The following AMELX variants were observed in gnomAD, a reference collection of about 807,000 sequenced individuals.
AMELX encodes the protein amelogenin, X isoform.
AMELX carries 9 observed loss-of-function variants against 15.8 expected under a neutral mutation model. The ratio of observed to expected loss-of-function variants is 0.57; its 90% CI spans 0.34 to 0.99. The LOEUF is 0.99. Among genes scored for constraint, AMELX ranks in the 50% least tolerant of loss-of-function variants. AMELX has a pLI of 0.02. For synonymous variants in AMELX, 61 were observed against 58.8 expected (o/e 1.04, Z -0.17); for missense variants, 107 against 156.2 (o/e 0.68, Z 1.68).
At chrX:11,300,512 T>A in intron 5 of AMELX, 95 bp from the exon 6 acceptor site, 1 of 766,545 alleles carries the variant, frequency 1.3e-6, no homozygotes, top group Admixed American at 2.4e-5. Context: ...TTGTACATTG[T>A]TTTGACAAAA....
At chrX:11,294,370 G>A (rs1272186446) in intron 1 of AMELX, among the ~76,000 whole-genome samples, 2 of 112,290 alleles carry the variant, frequency 1.8e-5, no homozygotes, top group African/African-American at 6.5e-5. Context: ...GTGCCTCCTT[G>A]TTCTAAAATT....
intron 5 of AMELX, among the ~76,000 whole-genome samples, chrX:11,300,069 A>T (rs2048150553): frequency 8.9e-6 from 1 of 112,118 alleles, no homozygotes. Flanking sequence ...AATCCCAAGT[A>T]ATCGGTGCCT....
downstream of AMELX, among the ~76,000 whole-genome samples, chrX:11,304,694 A>C (rs2048215224): frequency 2.8e-5 from 3 of 107,003 alleles, no homozygotes; most frequent in South Asian, 1.3e-3. Flanking sequence ...GTGACTCCCA[A>C]CTCAGACCCT....
chrX:11,304,963 T>C (rs1400053892), downstream of AMELX, among the ~76,000 whole-genome samples: 1 of 107,834 alleles, frequency 9.3e-6, no homozygotes, highest in Non-Finnish European at 1.9e-5. Context: ...ATTTTTTTTG[T>C]ATTTTAGTAG....
chrX:11,306,590 T>G, the AMELX span, among the ~76,000 whole-genome samples: 2 of 112,709 alleles, frequency 1.8e-5, no homozygotes, highest in African/African-American at 6.5e-5. Flanking sequence ...AAATGAGGGT[T>G]TGAACTTTAA....
intron 2 of AMELX, 117 bp from the exon 3 acceptor site, chrX:11,296,662 T>C (rs1313981973): frequency 1.2e-6 from 1 of 857,166 alleles, no homozygotes; most frequent in Non-Finnish European, 1.7e-6. Flanking sequence ...TAAAGTAGCT[T>C]CAGTCTCCTT....
the AMELX span, among the ~76,000 whole-genome samples, chrX:11,305,874 G>A: frequency 8.9e-6 from 1 of 111,971 alleles, no homozygotes; most frequent in African/African-American, 3.3e-5. Flanking sequence ...CAGCCATGGA[G>A]AATATAAAGC....
At chrX:11,303,191 T>C (rs911839594), downstream of AMELX, among the ~76,000 whole-genome samples, 4 of 112,855 alleles carry the variant, frequency 3.5e-5, no homozygotes, top group African/African-American at 1.3e-4. Context: ...CTTATGTCTG[T>C]TGTGAAATTC....
chrX:11,302,434 T>C (rs2048184891), downstream of AMELX, among the ~76,000 whole-genome samples: 1 of 112,372 alleles, frequency 8.9e-6, no homozygotes, highest in African/African-American at 3.2e-5. Context: ...CTATGAGAAT[T>C]TTCTAAGAAC....
Position 11,298,693 on chromosome X carries a change from A to G in AMELX, c.290A>G (p.Gln97Arg). ...VVPAQQPVIP[Q>R]QPMMPVPGQH... Reference sequence around the variant, plus strand: ...CCAGCTCAGCAGCCCGTGATCCCCCAGCAACCAATGATGCCCGTTCCTGGC... The same window carrying G: ...CCAGCTCAGCAGCCCGTGATCCCCCGGCAACCAATGATGCCCGTTCCTGGC... Residue 97 changes from glutamine to arginine, a missense_variant, in exon 5 of 6, where the codon CAG (glutamine) becomes CGG (arginine). Gln to Arg is a conservative substitution (Grantham distance 43). Coordinates refer to ENST00000380714, the MANE Select transcript of AMELX (RefSeq NM_001142.2). 1 of 1,210,451 alleles carries G rather than the reference A, an allele frequency of 8.3e-7. No homozygotes were observed. Among genetic ancestry groups the G allele is most frequent in the Non-Finnish European group, 1.1e-6 (1 of 895,214 alleles).
intron 1 of AMELX, among the ~76,000 whole-genome samples, chrX:11,294,147 A>C (rs1194042799): frequency 8.9e-6 from 1 of 112,452 alleles, no homozygotes; most frequent in African/African-American, 3.2e-5. Flanking sequence ...GAATCACATA[A>C]AATTCGTACC....
chrX:11,294,261 A>C (rs1328757153), intron 1 of AMELX, among the ~76,000 whole-genome samples: 1 of 112,348 alleles, frequency 8.9e-6, no homozygotes, highest in African/African-American at 3.2e-5. Flanking sequence ...AATTTCTGGA[A>C]CTAAAATCTA....
In AMELX at chrX:11,294,743, A is replaced by C. The variant is rs184371797; in HGVS notation, c.-12-34A>C. On this transcript the variant is annotated intron_variant, in intron 1 of 5. Transcript: ENST00000380714. ...ATTCATTACATCCATGTTTCAGAAGAGATAAGAAAAGTGGATGTTGACTTA... is the reference window on the plus strand; with the variant it reads ...ATTCATTACATCCATGTTTCAGAAGCGATAAGAAAAGTGGATGTTGACTTA... 4.7e-3 allele frequency: 5,461 copies of C among 1,169,379 alleles called. 17 individuals are homozygous for C. Among genetic ancestry groups the C allele is most frequent in the Middle Eastern group, 0.019 (80 of 4,257 alleles).
downstream of AMELX, among the ~76,000 whole-genome samples, chrX:11,305,271 CTAA>C (rs1464155411): frequency 9.0e-6 from 1 of 111,647 alleles, no homozygotes; most frequent in Non-Finnish European, 1.9e-5. Flanking sequence ...ATTAAGTCAG[CTAA>C]TGTCTCTAAA....
rs771775925 is a variant in AMELX, at chrX:11,298,637, C to G, written c.234C>G (p.Thr78=). ...VLSQQHPPTH[T]LQPHHHIPVV... ...CCCAACAGCACCCCCCGACTCACACCCTGCAGCCTCATCACCACATCCCAG... is the reference window on the plus strand; with the variant it reads ...CCCAACAGCACCCCCCGACTCACACGCTGCAGCCTCATCACCACATCCCAG... Residue 78 remains threonine (T), a synonymous_variant, in exon 5 of 6, where the codon ACC becomes ACG. Coordinates refer to ENST00000380714, the MANE Select transcript of AMELX (RefSeq NM_001142.2). 3 of 1,208,521 alleles carry G rather than the reference C, an allele frequency of 2.5e-6. No individual in the cohort carries two copies. The East Asian group carries it at 8.9e-5, about 36-fold the overall frequency.
At chrX:11,298,091 T>C in intron 3 of AMELX, 145 bp from the exon 4 acceptor site, 2 of 1,211,215 alleles carry the variant, frequency 1.7e-6, no homozygotes, top group Non-Finnish European at 2.2e-6. Context: ...TACCTTCTTC[T>C]TTCTTTTGTA....
At chrX:11,294,669 C>A (rs1052431081) in intron 1 of AMELX, 108 bp from the exon 2 acceptor site, 3 of 835,020 alleles carry the variant, frequency 3.6e-6, no homozygotes, top group Admixed American at 4.5e-5. Flanking sequence ...ATGGCTCCAT[C>A]CTTCTTACTA....
At chrX:11,304,777 CTTTTTTTTTTTT>C (rs953912280), downstream of AMELX, among the ~76,000 whole-genome samples, 8 of 50,286 alleles carry the variant, frequency 1.6e-4, no homozygotes, top group African/African-American at 2.6e-4. Context: ...CTTTCTTTTA[CTTTTTTTTTTTT>C]TTTTTTTTTT....
At chrX:11,296,902 G>A in intron 3 of AMELX, 76 bp downstream of exon 3, 1 of 1,103,374 alleles carries the variant, frequency 9.1e-7, no homozygotes, top group East Asian at 3.0e-5. Context: ...ATAGTGTGTT[G>A]ATTCTTTATC....
Sources: gnomAD v4.1 joint callset for allele counts (sites outside exome capture counted in the v4.1 genomes callset) on GRCh38, gnomAD v4.1.1 for gene constraint, MANE v1.5 for transcripts, NCBI Gene and HGNC (gene_info 2026-07-23, HGNC 2026-07-21) for gene names.